Variants in SLC4A7 observed in about 807,000 individuals in gnomAD.
SLC4A7 encodes sodium bicarbonate cotransporter 3.
In SLC4A7, 51 loss-of-function variants were observed where a neutral mutation model predicts 137.6. The ratio of observed to expected loss-of-function variants is 0.37; its 90% confidence interval spans 0.30 to 0.47. SLC4A7 has a LOEUF of 0.47. Ranked by LOEUF, SLC4A7 falls within the 20% of genes least tolerant of loss-of-function variation. SLC4A7 has a pLI of 1.00. For missense variants in SLC4A7, 1,247 were observed against 1,525.4 expected (o/e 0.82, Z 3.04); for synonymous variants, 542 against 518.6 (o/e 1.05, Z -0.61).
intron 1 of SLC4A7, among the ~76,000 whole-genome samples, chr3:27,460,119 C>T (rs935539225): frequency 6.6e-6 from 1 of 151,748 alleles, no homozygotes; most frequent in African/African-American, 2.4e-5. Flanking sequence ...CTGCAACCTC[C>T]GCCTCCCAAG....
intron 1 of SLC4A7, among the ~76,000 whole-genome samples, chr3:27,464,164 T>C (rs76571507): frequency 0.13 from 19,495 of 152,040 alleles, 1,240 homozygotes; most frequent in Middle Eastern, 0.19. Context: ...CAAGACTCCG[T>C]CTCAAAAAAA....
At chr3:27,409,606 C>T in intron 12 of SLC4A7, 76 bp from the exon 13 acceptor site, 1 of 1,146,322 alleles carries the variant, frequency 8.7e-7, no homozygotes, top group Non-Finnish European at 1.2e-6. Flanking sequence ...CTATGGGCTA[C>T]ACAAAACTGC....
At chr3:27,443,688 A>C (rs1449730136) in intron 3 of SLC4A7, among the ~76,000 whole-genome samples, 1 of 152,180 alleles carries the variant, frequency 6.6e-6, no homozygotes, top group African/African-American at 2.4e-5. Flanking sequence ...TGCATCTAAC[A>C]AATTTGAATG....
chr3:27,386,425 T>C (rs1441884300), intron 22 of SLC4A7, among the ~76,000 whole-genome samples: 3 of 152,078 alleles, frequency 2.0e-5, no homozygotes, highest in African/African-American at 2.4e-5. Context: ...CAACATTAGG[T>C]TTTAACTTTT....
At chr3:27,470,455 A>AC (rs766503047) in intron 1 of SLC4A7, among the ~76,000 whole-genome samples, 25 of 151,980 alleles carry the variant, frequency 1.6e-4, no homozygotes, top group Non-Finnish European at 3.2e-4. Context: ...TAATCTAAAT[A>AC]CTTGGGTGTT....
At position 27,397,727 on chromosome 3, in the gene SLC4A7, A is replaced by G. The variant is rs2052338183; in HGVS notation, c.2660T>C (p.Val887Ala). ...ATGAAGTTTAGGAGATGGAACTCCT[A>G]CAAGGTAGTCAATTGTAACCATTAT... Reference protein sequence around the residue: ...IVIMVTIDYLVGVPSPKLHVP... With the variant: ...IVIMVTIDYLAGVPSPKLHVP... Residue 887 changes from valine to alanine, a missense_variant, in exon 18 of 26, where the codon GTA becomes GCA. Val to Ala is a moderately conservative substitution (Grantham distance 64). This residue lies in a region of SLC4A7 where 499 missense variants were observed against 664.2 expected (regional missense o/e 0.75). Coordinates refer to ENST00000454389, the MANE Select transcript of SLC4A7 (RefSeq NM_001321103.2). 6.2e-7 allele frequency: 1 copy of G among 1,608,656 alleles called. No homozygotes were observed. The highest frequency in any genetic ancestry group is 8.5e-7 in the Non-Finnish European group (1 of 1,177,196).
At chr3:27,448,464 T>C (rs1286787129) in intron 3 of SLC4A7, among the ~76,000 whole-genome samples, 187 bp downstream of exon 3, 1 of 151,940 alleles carries the variant, frequency 6.6e-6, no homozygotes, top group African/African-American at 2.4e-5. Flanking sequence ...ATAAAGATTT[T>C]TCTTATAAAA....
At position 27,465,314 on chromosome 3, in the gene SLC4A7, C is replaced by CT. The variant is rs753824376; in HGVS notation, c.61-12817_61-12816insA. Among the ~76,000 whole-genome samples the CT allele has an allele frequency of 1.3e-3, 181 of 135,678 alleles. 1 individual carries two copies. In the Middle Eastern group the frequency reaches 0.032, roughly 24 times the overall value. The allele number at this position is 135,678 out of a possible 152,430, so 89.0% of individuals were successfully genotyped here. A position where few individuals can be genotyped will look rare whatever the true frequency, so the allele number is the denominator to read the frequency against. On this transcript the variant is annotated intron_variant, in intron 1 of 25. Transcript: ENST00000454389. Reference sequence around the variant, plus strand: ...CAAAAAAAAAAAAAAAAAAAACCCACAAACCTACAATCAATTCTTGTTTTA... The same window carrying CT: ...CAAAAAAAAAAAAAAAAAAAACCCACTAAACCTACAATCAATTCTTGTTTTA...
chr3:27,463,927 A>G (rs1472776389), intron 1 of SLC4A7, among the ~76,000 whole-genome samples: 4 of 152,196 alleles, frequency 2.6e-5, no homozygotes. Flanking sequence ...GGTTTTGTCT[A>G]CAACACCAGC....
At chr3:27,379,707 A>G (rs2050226674) in intron 24 of SLC4A7, among the ~76,000 whole-genome samples, 1 of 145,692 alleles carries the variant, frequency 6.9e-6, no homozygotes, top group Non-Finnish European at 1.6e-5. Flanking sequence ...GTGCTTATAC[A>G]TACAAAAAAA....
chr3:27,384,841 T>A (rs2050776367), intron 23 of SLC4A7, among the ~76,000 whole-genome samples: 1 of 151,886 alleles, frequency 6.6e-6, no homozygotes, highest in Non-Finnish European at 1.5e-5. Context: ...CGGGTGCCTG[T>A]AATCCCAGCT....
intron 2 of SLC4A7, among the ~76,000 whole-genome samples, chr3:27,449,462 G>T (rs1195827531): frequency 6.8e-6 from 1 of 148,144 alleles, no homozygotes; most frequent in Non-Finnish European, 1.5e-5. Context: ...AATCAATAAA[G>T]ACCAAAATAA....
At chr3:27,414,027 C>T (rs2054153813) in intron 11 of SLC4A7, among the ~76,000 whole-genome samples, 1 of 152,186 alleles carries the variant, frequency 6.6e-6, no homozygotes, top group Non-Finnish European at 1.5e-5. Context: ...CACTTGTAAT[C>T]CCAGCACTTT....
intron 1 of SLC4A7, among the ~76,000 whole-genome samples, chr3:27,452,970 C>A (rs1348408298): frequency 6.6e-6 from 1 of 152,098 alleles, no homozygotes; most frequent in Non-Finnish European, 1.5e-5. Flanking sequence ...ACATGCAGTA[C>A]CACTTTAACT....
intron 4 of SLC4A7, among the ~76,000 whole-genome samples, chr3:27,436,998 T>C (rs956389699): frequency 6.6e-6 from 1 of 152,196 alleles, no homozygotes; most frequent in Non-Finnish European, 1.5e-5. Context: ...GCACCAGATA[T>C]CTCATACTTT....
At chr3:27,476,939 G>C (rs2059486820) in intron 1 of SLC4A7, among the ~76,000 whole-genome samples, 1 of 152,094 alleles carries the variant, frequency 6.6e-6, no homozygotes, top group African/African-American at 2.4e-5. Flanking sequence ...AGACTTAATT[G>C]AGAATTTAGC....
chr3:27,379,422 T>G, intron 24 of SLC4A7, 66 bp from the exon 25 acceptor site: 1 of 786,648 alleles, frequency 1.3e-6, no homozygotes, highest in Non-Finnish European at 2.1e-6. Context: ...TTGTCATTCT[T>G]ATTATCTGCT....
At chr3:27,481,148 C>T (rs1249839010) in intron 1 of SLC4A7, among the ~76,000 whole-genome samples, 3 of 152,068 alleles carry the variant, frequency 2.0e-5, no homozygotes, top group Non-Finnish European at 2.9e-5. Flanking sequence ...TTAACCTATA[C>T]TGGAAAATAA....
chr3:27,443,662 A>G (rs1457885649), intron 3 of SLC4A7, among the ~76,000 whole-genome samples: 1 of 152,136 alleles, frequency 6.6e-6, no homozygotes, highest in Non-Finnish European at 1.5e-5. Flanking sequence ...ATTTTTCTCT[A>G]AAGTACTGCT....
Sources: gnomAD v4.1 joint callset for allele counts (sites outside exome capture counted in the v4.1 genomes callset) on GRCh38, gnomAD v4.1.1 for gene constraint, gnomAD v4.1.1 regional missense constraint, MANE v1.5 for transcripts, NCBI Gene and HGNC (gene_info 2026-07-23, HGNC 2026-07-21) for gene names.